SCO1: variants seen among roughly 807,000 people sequenced by gnomAD.
SCO1 encodes the protein synthesis of cytochrome C oxidase 1, also known as cytochrome c oxidase assembly factor SCO1.
SCO1 carries 23 observed loss-of-function variants against 34.0 expected under a neutral mutation model. That is an observed-to-expected ratio of 0.68 (90% CI 0.49 to 0.96). SCO1 has a LOEUF of 0.96. Ranked by LOEUF, SCO1 falls within the 40% of genes least tolerant of loss-of-function variation. The pLI is 0.00. For synonymous variants in SCO1, 161 were observed against 145.5 expected, an observed-to-expected ratio of 1.11 and a Z score of -0.77; for missense variants, 404 against 381.6, an observed-to-expected ratio of 1.06 and a Z score of -0.49.
chr17:10,695,475 A>G, intron 2 of SCO1: 1 of 410,950 alleles, frequency 2.4e-6, no homozygotes, highest in South Asian at 2.3e-5. Context: ...ATTGATAGAA[A>G]AACAAGTGAA....
rs2074590802 is a variant in SCO1 at position 10,677,695 on chromosome 17, C to T, written c.*3424G>A. Reference sequence around the variant, plus strand: ...CACATGAATACATTCATGCCTACTGCATTGATAGGATTCTTATACTTTTCA... The same window carrying T: ...CACATGAATACATTCATGCCTACTGTATTGATAGGATTCTTATACTTTTCA... On this transcript the variant is annotated 3_prime_UTR_variant, in exon 6 of 6. Transcript: ENST00000255390. 2 of 152,226 alleles carry T rather than the reference C, an allele frequency of 1.3e-5. No homozygotes were observed. The highest frequency in any genetic ancestry group is 4.1e-4 in the South Asian group (2 of 4,820). The allele number at this position is 152,226 out of a possible 1,614,324, so 9.4% of individuals were successfully genotyped here.
chr17:10,686,775 G>A lies in SCO1; in HGVS notation c.723C>T (p.Tyr241=), dbSNP rs1828582382. ...REEVDQVARA[Y]RVYYSPGPKD... ...TGGGGCCAGGGCTGTAATACACTCT[G>A]TATGCTCTGGCCACTTGATCGACCT... The change falls in exon 5 of 6, where the codon TAC becomes TAT. Residue 241 remains tyrosine (Y), a synonymous_variant. Transcript: ENST00000255390. The A allele has an allele frequency of 6.2e-7, 1 of 1,613,718 alleles. No homozygotes were observed. Among genetic ancestry groups the A allele is most frequent in the South Asian group, 1.1e-5 (1 of 91,080 alleles).
Position 10,679,006 on chromosome 17 carries a change from C to G in SCO1, c.*2113G>C, listed in dbSNP as rs139559160. ...TGTCGCCCAGGCTGGAGTACGATGG[C>G]GCAATCTTGCCTCACTGCCACCTCT... On this transcript the variant is annotated 3_prime_UTR_variant, in exon 6 of 6. Coordinates refer to ENST00000255390, the MANE Select transcript of SCO1 (RefSeq NM_004589.4). The G allele has an allele frequency of 6.6e-6, 1 of 152,126 alleles. No individual in the cohort carries two copies. The highest frequency in any genetic ancestry group is 1.5e-5 in the Non-Finnish European group (1 of 68,152). The allele number at this position is 152,126 out of a possible 1,614,324, so 9.4% of individuals were successfully genotyped here.
intron 1 of SCO1, 102 bp downstream of exon 1, chr17:10,697,133 G>T: frequency 8.7e-7 from 1 of 1,142,932 alleles, no homozygotes; most frequent in Non-Finnish European, 1.2e-6. Context: ...ACAACTTTAG[G>T]GGAGGCGGAG....
rs1417375633 is a variant in SCO1 at position 10,676,583 on chromosome 17, G to T, written c.*4536C>A. ...GTTTCCAAATTTTCACAATAAAAAG[G>T]AAAAAAAGAAAACTCAAGTTTTCTT... On this transcript the variant is annotated 3_prime_UTR_variant, in exon 6 of 6. Transcript: ENST00000255390. 3 of 151,836 alleles carry T rather than the reference G, an allele frequency of 2.0e-5. No homozygotes were observed. The highest frequency in any genetic ancestry group is 2.9e-5 in the Non-Finnish European group (2 of 67,942). 9.4% of individuals were successfully genotyped at this position (151,836 alleles called of 1,614,324 possible).
chr17:10,684,775 C>T (rs2074644786), intron 5 of SCO1, among the ~76,000 whole-genome samples: 1 of 152,188 alleles, frequency 6.6e-6, no homozygotes, highest in African/African-American at 2.4e-5. Flanking sequence ...CCAGTTAATA[C>T]AACTCTCTAT....
rs1480651487 is a variant in SCO1, at chr17:10,691,932, G to C, written c.595C>G (p.Leu199Val). ...CTCTCTGGGTCAATGCTGATGAAAA[G>C]TGGAGTTAGATCTGGCAGAGTTGTA... The part of the protein sequence containing the change: ...SITTLPDLTP[L>V]FISIDPERDT... The change falls in exon 4 of 6, where the codon CTT (leucine) becomes GTT (valine). Residue 199 changes from leucine (L) to valine (V), a missense_variant. Transcript: ENST00000255390. The C allele has an allele frequency of 6.2e-7, 1 of 1,613,606 alleles. No homozygotes were observed. Among genetic ancestry groups the C allele is most frequent in the Non-Finnish European group, 8.5e-7 (1 of 1,179,502 alleles).
In SCO1 at chr17:10,673,820, T is replaced by C. The variant is rs1003765028; in HGVS notation, c.*7299A>G. ...AACAACTCGATGGAGAAACGCTTGG[T>C]ATACTGTGCTGAATAGAAGTTCTGA... On this transcript the variant is annotated 3_prime_UTR_variant, in exon 6 of 6. Transcript: ENST00000255390. The C allele has an allele frequency of 6.6e-6, 1 of 152,210 alleles. No individual in the cohort carries two copies. Among genetic ancestry groups the C allele is most frequent in the Non-Finnish European group, 1.5e-5 (1 of 68,042 alleles). The allele number at this position is 152,210 out of a possible 1,614,324, so 9.4% of individuals were successfully genotyped here.
At position 10,675,953 on chromosome 17, in the gene SCO1, G is replaced by C. The variant is rs1478496652; in HGVS notation, c.*5166C>G. ...CATCCCCACAACGAACTGCATCATA[G>C]CTCCTTGAAATCAAAGGACCAAATT... is the stretch of plus-strand genomic sequence containing the variant. On this transcript the variant is annotated 3_prime_UTR_variant, in exon 6 of 6. Transcript: ENST00000255390. 6 of 152,146 alleles carry C rather than the reference G, an allele frequency of 3.9e-5. No individual in the cohort carries two copies. The highest frequency in any genetic ancestry group is 8.8e-5 in the Non-Finnish European group (6 of 68,028). 9.4% of individuals were successfully genotyped at this position (152,146 alleles called of 1,614,324 possible).
chr17:10,682,706 T>C (rs11078857), intron 5 of SCO1, among the ~76,000 whole-genome samples: 70,208 of 152,050 alleles, frequency 0.46, 16,453 homozygotes, highest in East Asian at 0.55. Context: ...ACAGAGCACA[T>C]TGACATTTAT....
In SCO1 at chr17:10,672,965, G is replaced by C. The variant is rs2074555894; in HGVS notation, c.*8154C>G. On this transcript the variant is annotated 3_prime_UTR_variant, in exon 6 of 6. Coordinates refer to ENST00000255390, the MANE Select transcript of SCO1 (RefSeq NM_004589.4). The stretch of plus-strand genomic sequence containing the variant: ...GTTTAGGTGCACTAGTTGGCACTTT[G>C]GGGCCTCATGTCTAAAAGCTGCCCT... The C allele has an allele frequency of 6.6e-6, 1 of 151,804 alleles. No homozygotes were observed. The highest frequency in any genetic ancestry group is 1.5e-5 in the Non-Finnish European group (1 of 67,988). 9.4% of individuals were successfully genotyped at this position (151,804 alleles called of 1,614,324 possible).
chr17:10,690,541 T>C (rs2151455927), intron 4 of SCO1, among the ~76,000 whole-genome samples: 1 of 152,184 alleles, frequency 6.6e-6, no homozygotes, highest in Non-Finnish European at 1.5e-5. Flanking sequence ...AAATAACAAA[T>C]GCTGACAATG....
At chr17:10,693,776 T>TA (rs771582959) in intron 2 of SCO1, among the ~76,000 whole-genome samples, 3 of 152,098 alleles carry the variant, frequency 2.0e-5, no homozygotes, top group East Asian at 1.9e-4. Context: ...AAGCAGAACT[T>TA]AGAGAATATT....
Position 10,692,744 on chromosome 17 carries a change from G to T in SCO1, c.562+20C>A. ...ATGAAGTAAACATATACTTTGTTTAGTTAGTGATGGCTTTCTTACCTATTT... is the reference window on the plus strand; with the variant it reads ...ATGAAGTAAACATATACTTTGTTTATTTAGTGATGGCTTTCTTACCTATTT... On this transcript the variant is annotated intron_variant, in intron 3 of 5. Coordinates refer to ENST00000255390, the MANE Select transcript of SCO1 (RefSeq NM_004589.4). 3.8e-6 allele frequency: 6 copies of T among 1,598,494 alleles called. No homozygotes were observed. Among genetic ancestry groups the T allele is most frequent in the Non-Finnish European group, 5.1e-6 (6 of 1,165,904 alleles).
At chr17:10,696,421 G>A (rs2074727094) in intron 1 of SCO1, among the ~76,000 whole-genome samples, 1 of 152,086 alleles carries the variant, frequency 6.6e-6, no homozygotes. Flanking sequence ...CTCCAGCCTG[G>A]GCAAAAGAGC....
intron 4 of SCO1, among the ~76,000 whole-genome samples, chr17:10,689,825 T>C (rs1057058544): frequency 4.6e-5 from 7 of 152,056 alleles, no homozygotes; most frequent in Admixed American, 6.5e-5. Flanking sequence ...TACAAAGCCA[T>C]AGTAACCACA....
chr17:10,686,902 C>T, intron 4 of SCO1, 60 bp from the exon 5 acceptor site: 5 of 1,104,850 alleles, frequency 4.5e-6, no homozygotes, highest in Non-Finnish European at 7.0e-6. Context: ...ACCATCTCTA[C>T]TTCAAAAAAT....
rs116595462 is a variant in SCO1, at chr17:10,694,577, A to G, written c.364+1164T>C. 4.1e-3 allele frequency among the ~76,000 whole-genome samples: 621 copies of G among 152,344 alleles called. 2 individuals carry two copies. The highest frequency in any genetic ancestry group is 0.014 in the African/African-American group (572 of 41,588). On this transcript the variant is annotated intron_variant, in intron 2 of 5. Transcript: ENST00000255390. The stretch of plus-strand genomic sequence containing the variant: ...TCCTTGTTTGTAGGAAATACACCAA[A>G]AAGTGTTTGGAGCTAATGACGCAAC...
At chr17:10,688,634 C>T (rs2074671416) in intron 4 of SCO1, among the ~76,000 whole-genome samples, 1 of 152,244 alleles carries the variant, frequency 6.6e-6, no homozygotes, top group Admixed American at 6.5e-5. Flanking sequence ...CCATTCCTAT[C>T]CTATTTACTC....
Sources: allele counts gnomAD v4.1 joint callset (sites outside exome capture counted in the v4.1 genomes callset), GRCh38; gene constraint gnomAD v4.1.1; transcripts MANE v1.5; gene names NCBI Gene and HGNC (gene_info 2026-07-23, HGNC 2026-07-21).